The following KCNMA1 variants were observed in gnomAD, a reference collection of about 807,000 sequenced individuals.
The protein encoded by KCNMA1 is Calcium-activated potassium channel subunit alpha-1.
KCNMA1 carries 29 observed loss-of-function variants against 140.0 expected under a neutral mutation model. The ratio of observed to expected loss-of-function variants is 0.21; its 90% CI spans 0.15 to 0.28. KCNMA1 has a LOEUF of 0.28. Ranked by LOEUF, KCNMA1 falls within the 10% of genes least tolerant of loss-of-function variation. The pLI, the probability that KCNMA1 is intolerant of heterozygous loss-of-function variation, is 1.00. For synonymous variants in KCNMA1, 612 were observed against 611.9 expected (o/e 1.00, Z 0.00); for missense variants, 880 against 1,602.2 (o/e 0.55, Z 7.70).
intron 2 of KCNMA1, among the ~76,000 whole-genome samples, chr10:77,327,749 G>T (rs1310094037): frequency 6.6e-6 from 1 of 151,732 alleles, no homozygotes; most frequent in African/African-American, 2.4e-5. Context: ...GGTGTAAAGA[G>T]CCATCTGGGA....
chr10:77,052,277 C>T (rs894537098), intron 14 of KCNMA1, among the ~76,000 whole-genome samples: 16 of 152,114 alleles, frequency 1.1e-4, no homozygotes, highest in African/African-American at 2.2e-4. Context: ...ACTTTCCTAA[C>T]GGCCAGTAAG....
intron 7 of KCNMA1, among the ~76,000 whole-genome samples, chr10:77,111,350 G>A (rs1287593989): frequency 1.3e-5 from 2 of 152,190 alleles, no homozygotes; most frequent in Non-Finnish European, 2.9e-5. Context: ...ACATCAGTTT[G>A]TCCTCAATGT....
intron 25 of KCNMA1, chr10:76,904,694 A>T (rs2047074040): frequency 6.6e-6 from 1 of 152,128 alleles, no homozygotes; most frequent in Admixed American, 6.6e-5. Flanking sequence ...CTCCTTCAAT[A>T]ACGATGGTTC....
intron 1 of KCNMA1, among the ~76,000 whole-genome samples, chr10:77,411,855 G>A (rs777682872): frequency 1.2e-4 from 19 of 152,198 alleles, no homozygotes; most frequent in Admixed American, 1.2e-3. Context: ...GGAAATGAGC[G>A]TGGCCAAGCT....
intron 1 of KCNMA1, among the ~76,000 whole-genome samples, chr10:77,589,724 G>A (rs2078412122): frequency 6.6e-6 from 1 of 152,126 alleles, no homozygotes; most frequent in Non-Finnish European, 1.5e-5. Flanking sequence ...TCATGGTCTC[G>A]CTGGCTCAGG....
At chr10:77,343,722 T>C (rs1215470000) in intron 2 of KCNMA1, among the ~76,000 whole-genome samples, 2 of 152,166 alleles carry the variant, frequency 1.3e-5, no homozygotes, top group African/African-American at 4.8e-5. Flanking sequence ...CAAGAGGTCA[T>C]AGTGTCCGTG....
At chr10:77,507,203 C>T (rs1226731914) in intron 1 of KCNMA1, among the ~76,000 whole-genome samples, 2 of 152,224 alleles carry the variant, frequency 1.3e-5, no homozygotes, top group Non-Finnish European at 2.9e-5. Context: ...ACAAACAGCT[C>T]TATGGAACAC....
intron 1 of KCNMA1, among the ~76,000 whole-genome samples, chr10:77,434,322 T>C (rs1172712910): frequency 6.6e-6 from 1 of 152,172 alleles, no homozygotes; most frequent in Non-Finnish European, 1.5e-5. Flanking sequence ...TGGAAGTGTG[T>C]CTCGTTCCTG....
intron 14 of KCNMA1, among the ~76,000 whole-genome samples, chr10:77,053,081 G>A (rs1199627426): frequency 6.6e-6 from 1 of 152,116 alleles, no homozygotes; most frequent in African/African-American, 2.4e-5. Context: ...AAACTGACAG[G>A]CAGGCCATCA....
rs570107832 is a variant in KCNMA1 at position 76,885,525 on chromosome 10, G to A, written c.*1741C>T. 6 of 985,254 alleles carry A rather than the reference G, an allele frequency of 6.1e-6. No individual in the cohort carries two copies. The highest frequency in any genetic ancestry group is 1.1e-4 in the East Asian group (1 of 8,806). The allele number at this position is 985,254 out of a possible 1,614,324, so 61.0% of individuals were successfully genotyped here. ...TATCCAAAACTATCATGCTTGAGGG[G>A]ACGGGGGATCCAAAATCTAAATCCA... On this transcript the variant is annotated 3_prime_UTR_variant, in exon 28 of 28. Coordinates refer to ENST00000286628, the MANE Select transcript of KCNMA1 (RefSeq NM_001161352.2).
intron 1 of KCNMA1, among the ~76,000 whole-genome samples, chr10:77,404,719 A>G (rs2096408986): frequency 6.6e-6 from 1 of 152,152 alleles, no homozygotes; most frequent in Non-Finnish European, 1.5e-5. Context: ...TCCTTTAGGA[A>G]AATTATCTCT....
At chr10:77,310,236 G>A (rs1418435553) in intron 2 of KCNMA1, among the ~76,000 whole-genome samples, 3 of 152,192 alleles carry the variant, frequency 2.0e-5, no homozygotes, top group African/African-American at 7.2e-5. Context: ...GTACCGGCTG[G>A]TAAACAGCCA....
intron 19 of KCNMA1, among the ~76,000 whole-genome samples, chr10:76,988,250 G>A (rs560944670): frequency 5.8e-4 from 88 of 152,308 alleles, no homozygotes; most frequent in African/African-American, 2.0e-3. Flanking sequence ...CTTGGGCCCA[G>A]TCTTGGCCTT....
chr10:77,005,466 G>A (rs1315526159), intron 18 of KCNMA1, among the ~76,000 whole-genome samples: 1 of 152,172 alleles, frequency 6.6e-6, no homozygotes, highest in Non-Finnish European at 1.5e-5. Flanking sequence ...GAACACCAAA[G>A]CTACTTGTCA....
intron 3 of KCNMA1, among the ~76,000 whole-genome samples, chr10:77,219,121 C>T (rs1418111337): frequency 1.3e-5 from 2 of 152,170 alleles, no homozygotes; most frequent in African/African-American, 2.4e-5. Context: ...CCCAGAGAAT[C>T]AGCACAGCAG....
At chr10:76,894,819 A>G (rs1224619691) in intron 25 of KCNMA1, among the ~76,000 whole-genome samples, 1 of 152,210 alleles carries the variant, frequency 6.6e-6, no homozygotes, top group African/African-American at 2.4e-5. Context: ...TGATGATAAT[A>G]ACAAGAATTG....
chr10:77,637,292 C>A lies in KCNMA1; in HGVS notation c.351G>T (p.Val117=). 1 of 1,610,720 alleles carries A rather than the reference C, an allele frequency of 6.2e-7. No homozygotes were observed. The highest frequency in any genetic ancestry group is 8.5e-7 in the Non-Finnish European group (1 of 1,177,928). The stretch of plus-strand genomic sequence containing the variant: ...TCGTCTTGCCCCCGCAGTGGCAGCA[C>A]ACGGTCCACAGGTACTTGAGCGTCC... ...LWRTLKYLWT[V]CCHCGGKTKE... is the part of the protein sequence containing the mutation. The change falls in exon 1 of 28, where the codon GTG becomes GTT. Residue 117 remains valine (V), a synonymous_variant. Transcript: ENST00000286628.
chr10:77,441,191 G>C (rs1247464816), intron 1 of KCNMA1, among the ~76,000 whole-genome samples: 1 of 152,130 alleles, frequency 6.6e-6, no homozygotes, highest in Non-Finnish European at 1.5e-5. Flanking sequence ...ACTGAAGATG[G>C]CTCAGGGGTG....
chr10:77,284,235 C>T (rs1293140447), intron 2 of KCNMA1, among the ~76,000 whole-genome samples: 2 of 152,046 alleles, frequency 1.3e-5, no homozygotes, highest in African/African-American at 4.8e-5. Context: ...TCCTATGAAA[C>T]TCTGTACTGG....
Sources: gnomAD v4.1 joint callset for allele counts (sites outside exome capture counted in the v4.1 genomes callset) on GRCh38, gnomAD v4.1.1 for gene constraint, MANE v1.5 for transcripts, NCBI Gene and HGNC (gene_info 2026-07-23, HGNC 2026-07-21) for gene names.